Variants in MSRA observed in about 807,000 individuals in gnomAD.
MSRA encodes the protein methionine sulfoxide reductase A, also known as mitochondrial peptide methionine sulfoxide reductase.
MSRA carries 54 observed loss-of-function variants against 31.3 expected under a neutral mutation model. That is an observed-to-expected ratio of 1.73 (90% CI 1.39 to 2.17). MSRA has a LOEUF of 2.17. Among genes scored for constraint, MSRA ranks in the 30% most tolerant of loss-of-function variants. The pLI is 0.00. For synonymous variants in MSRA, 169 were observed against 116.5 expected (o/e 1.45, Z -2.90); for missense variants, 507 against 300.9 (o/e 1.69, Z -5.07).
chr8:10,382,318 C>G (rs1306813405), intron 5 of MSRA, among the ~76,000 whole-genome samples: 1 of 152,222 alleles, frequency 6.6e-6, no homozygotes, highest in Admixed American at 6.5e-5. Context: ...CACTGCGGCT[C>G]TCTTGAATCT....
At chr8:10,103,312 A>C (rs190541319) in intron 1 of MSRA, among the ~76,000 whole-genome samples, 200 of 152,326 alleles carry the variant, frequency 1.3e-3, no homozygotes, top group African/African-American at 4.7e-3. Context: ...TTGTGAATTC[A>C]AACCTGTAGC....
At chr8:10,149,331 C>A (rs937538406) in intron 1 of MSRA, among the ~76,000 whole-genome samples, 3 of 152,090 alleles carry the variant, frequency 2.0e-5, no homozygotes, top group African/African-American at 7.2e-5. Context: ...CTGTGTTGAC[C>A]AGGCTGGTCT....
chr8:10,116,780 C>A (rs547024624), intron 1 of MSRA, among the ~76,000 whole-genome samples: 1 of 152,172 alleles, frequency 6.6e-6, no homozygotes, highest in African/African-American at 2.4e-5. Context: ...CCAGCCTGAC[C>A]AACATGAAGA....
At chr8:10,335,843 T>C (rs1225496509) in intron 5 of MSRA, among the ~76,000 whole-genome samples, 1 of 152,176 alleles carries the variant, frequency 6.6e-6, no homozygotes, top group Non-Finnish European at 1.5e-5. Context: ...CTGCTTCTCA[T>C]AAGGAGCCTG....
At chr8:10,124,441 C>T (rs958722903) in intron 1 of MSRA, among the ~76,000 whole-genome samples, 2 of 152,174 alleles carry the variant, frequency 1.3e-5, no homozygotes, top group East Asian at 1.9e-4. Flanking sequence ...TTTTGATTAG[C>T]AGAATATCTG....
intron 2 of MSRA, among the ~76,000 whole-genome samples, chr8:10,233,334 T>G (rs1403955218): frequency 1.3e-5 from 2 of 152,132 alleles, no homozygotes; most frequent in Admixed American, 6.5e-5. Context: ...AAACTCAAAT[T>G]CTAAAGAATA....
At chr8:10,169,599 T>A (rs1013865839) in intron 1 of MSRA, among the ~76,000 whole-genome samples, 1 of 152,144 alleles carries the variant, frequency 6.6e-6, no homozygotes, top group Admixed American at 6.5e-5. Context: ...CCAGAAGCCA[T>A]AAAAGAAAAT....
intron 1 of MSRA, among the ~76,000 whole-genome samples, chr8:10,117,203 G>A (rs1800747844): frequency 6.6e-6 from 1 of 152,130 alleles, no homozygotes; most frequent in Non-Finnish European, 1.5e-5. Flanking sequence ...TGCCTACTTT[G>A]TTGAGTTCCT....
intron 2 of MSRA, among the ~76,000 whole-genome samples, chr8:10,235,803 A>T (rs750935682): frequency 7.2e-5 from 11 of 152,114 alleles, no homozygotes; most frequent in African/African-American, 2.7e-4. Flanking sequence ...TAGCCAACCA[A>T]TTTTCTGAGG....
At chr8:10,205,217 A>G (rs190935355) in intron 1 of MSRA, among the ~76,000 whole-genome samples, 5 of 152,166 alleles carry the variant, frequency 3.3e-5, no homozygotes, top group Admixed American at 1.3e-4. Context: ...TGGACAAGGG[A>G]TATACAAGAG....
intron 4 of MSRA, among the ~76,000 whole-genome samples, chr8:10,306,951 C>G (rs1016853255): frequency 6.6e-6 from 1 of 152,156 alleles, no homozygotes; most frequent in African/African-American, 2.4e-5. Context: ...TTTCATAATC[C>G]TAATTGCATT....
intron 5 of MSRA, among the ~76,000 whole-genome samples, chr8:10,412,442 C>T (rs565139639): frequency 2.0e-5 from 3 of 152,270 alleles, no homozygotes; most frequent in African/African-American, 7.2e-5. Context: ...TGTGGACCTG[C>T]AGAGATATTA....
intron 4 of MSRA, among the ~76,000 whole-genome samples, chr8:10,309,656 C>T (rs1335296909): frequency 3.9e-5 from 6 of 152,210 alleles, no homozygotes; most frequent in Non-Finnish European, 8.8e-5. Flanking sequence ...TGTTGGGTTT[C>T]CTGGGGCCCC....
intron 5 of MSRA, among the ~76,000 whole-genome samples, chr8:10,359,870 C>T (rs531010077): frequency 6.6e-6 from 1 of 152,316 alleles, no homozygotes; most frequent in Admixed American, 6.5e-5. Context: ...ACTTTCTAAC[C>T]TTACAGCACT....
chr8:10,237,186 A>G (rs1205921030), intron 2 of MSRA, among the ~76,000 whole-genome samples: 3 of 152,226 alleles, frequency 2.0e-5, no homozygotes, highest in Non-Finnish European at 4.4e-5. Context: ...AGAGGAAACA[A>G]TACTGAAGTT....
chr8:10,221,672 A>T (rs1275813206), intron 2 of MSRA, among the ~76,000 whole-genome samples: 1 of 152,218 alleles, frequency 6.6e-6, no homozygotes, highest in Non-Finnish European at 1.5e-5. Flanking sequence ...AAATGAGATA[A>T]ATATGTAAAG....
chr8:10,101,681 C>T (rs2128933665), intron 1 of MSRA, among the ~76,000 whole-genome samples: 1 of 152,158 alleles, frequency 6.6e-6, no homozygotes, highest in East Asian at 1.9e-4. Context: ...GCATAATGTC[C>T]TCAGGATTCA....
chr8:10,196,200 A>G (rs1362698964), intron 1 of MSRA, among the ~76,000 whole-genome samples: 1 of 152,200 alleles, frequency 6.6e-6, no homozygotes, highest in Non-Finnish European at 1.5e-5. Flanking sequence ...CACAAGGAAG[A>G]GAGATGTGCT....
At chr8:10,151,027 T>TG (rs1803617539) in intron 1 of MSRA, among the ~76,000 whole-genome samples, 1 of 147,242 alleles carries the variant, frequency 6.8e-6, no homozygotes, top group African/African-American at 2.5e-5. Flanking sequence ...GATGGGGGGG[T>TG]GGGGATGAGG....
Sources: allele counts gnomAD v4.1 joint callset (sites outside exome capture counted in the v4.1 genomes callset), GRCh38; gene constraint gnomAD v4.1.1; transcripts MANE v1.5; gene names NCBI Gene and HGNC (gene_info 2026-07-23, HGNC 2026-07-21).